VAPB: variants seen among roughly 807,000 people sequenced by gnomAD.
The protein encoded by VAPB is vesicle-associated membrane protein-associated protein B/C.
Under a neutral mutation model 25.6 loss-of-function variants are expected in VAPB, and 7 were observed. That is an observed-to-expected ratio of 0.27 (90% CI 0.16 to 0.51). VAPB has a LOEUF of 0.51. Ranked by LOEUF, VAPB falls within the 20% of genes least tolerant of loss-of-function variation. The pLI is 0.97. For synonymous variants in VAPB, 112 were observed against 109.2 expected (o/e 1.03, Z -0.16); for missense variants, 266 against 301.3 (o/e 0.88, Z 0.87).
intron 1 of VAPB, among the ~76,000 whole-genome samples, chr20:58,412,225 T>G (rs567196304): frequency 6.6e-6 from 1 of 152,292 alleles, no homozygotes; most frequent in East Asian, 1.9e-4. Flanking sequence ...TGTAGGAGTT[T>G]TATAGTTTGG....
chr20:58,408,951 T>C (rs1253056402), intron 1 of VAPB, among the ~76,000 whole-genome samples: 5 of 113,224 alleles, frequency 4.4e-5, no homozygotes, highest in Middle Eastern at 0.011. Flanking sequence ...AAACAAAATA[T>C]GTCCTATGCA....
chr20:58,408,855 C>G (rs73179891), intron 1 of VAPB, among the ~76,000 whole-genome samples: 15,771 of 148,794 alleles, frequency 0.11, 959 homozygotes, highest in Middle Eastern at 0.17. Context: ...TGGCACTGTT[C>G]TAGTTTGGAG....
chr20:58,417,253 AAG>A (rs1311851017), intron 1 of VAPB, among the ~76,000 whole-genome samples: 1 of 152,194 alleles, frequency 6.6e-6, no homozygotes, highest in Admixed American at 6.5e-5. Flanking sequence ...GAAAAAAAGC[AAG>A]TTTCAGGTTA....
chr20:58,410,557 C>T (rs1988352491), intron 1 of VAPB, among the ~76,000 whole-genome samples: 1 of 152,086 alleles, frequency 6.6e-6, no homozygotes, highest in Non-Finnish European at 1.5e-5. Flanking sequence ...GCTGGGATTA[C>T]AGGTGTGTGC....
At chr20:58,391,333 A>G (rs972363749) in intron 1 of VAPB, among the ~76,000 whole-genome samples, 1 of 152,194 alleles carries the variant, frequency 6.6e-6, no homozygotes, top group Non-Finnish European at 1.5e-5. Context: ...CCAGGACAGG[A>G]CAATGATGTA....
chr20:58,441,203 TTTTTTTCTC>T (rs1989153772), intron 5 of VAPB, 120 bp downstream of exon 5: 1 of 1,131,246 alleles, frequency 8.8e-7, no homozygotes. Context: ...TATTTGGCTA[TTTTTTTCTC>T]CCCAGGGAGA....
In VAPB at chr20:58,403,932, C is replaced by T. The variant is rs563353292; in HGVS notation, c.59-14279C>T. ...GAAATCCTAAACTTGTCTTTCACTC[C>T]CCATTTTCCGTAACCTTTCACATCT... On this transcript the variant is annotated intron_variant, in intron 1 of 5. Coordinates refer to ENST00000475243, the MANE Select transcript of VAPB (RefSeq NM_004738.5). 7.2e-5 allele frequency among the ~76,000 whole-genome samples: 11 copies of T among 152,284 alleles called. No individual in the cohort carries two copies. In the East Asian group the frequency reaches 2.1e-3, roughly 29 times the overall value.
intron 1 of VAPB, among the ~76,000 whole-genome samples, chr20:58,394,177 C>G (rs1202741642): frequency 6.6e-6 from 1 of 152,190 alleles, no homozygotes; most frequent in Admixed American, 6.5e-5. Context: ...TAGTTGAGTA[C>G]CACTTTTGGG....
At chr20:58,436,579 AG>A (rs1989051424) in intron 3 of VAPB, among the ~76,000 whole-genome samples, 1 of 151,994 alleles carries the variant, frequency 6.6e-6, no homozygotes, top group African/African-American at 2.4e-5. Context: ...TGCCCACCTC[AG>A]CCTCCCAAAG....
chr20:58,414,724 G>T (rs572465050), intron 1 of VAPB, among the ~76,000 whole-genome samples: 2 of 151,626 alleles, frequency 1.3e-5, no homozygotes, highest in Non-Finnish European at 2.9e-5. Context: ...GGTCGGAGAC[G>T]CTCCTCACCT....
rs770013348 is a variant in VAPB at position 58,389,475 on chromosome 20, C to A, written c.16C>A (p.Gln6Lys). 1 of 1,597,248 alleles carries A rather than the reference C, an allele frequency of 6.3e-7. No individual in the cohort carries two copies. Among genetic ancestry groups the A allele is most frequent in the Non-Finnish European group, 8.5e-7 (1 of 1,172,742 alleles). The part of the protein sequence containing the change: MAKVE[Q>K]VLSLEPQHEL... Reference sequence around the variant, plus strand: ...GCTAAGGAACATGGCGAAGGTGGAGCAGGTCCTGAGCCTCGAGCCGCAGCA... The same window carrying A: ...GCTAAGGAACATGGCGAAGGTGGAGAAGGTCCTGAGCCTCGAGCCGCAGCA... The change falls in exon 1 of 6, where the codon CAG (glutamine) becomes AAG (lysine). Residue 6 changes from glutamine to lysine, a missense_variant. By Grantham distance (53) the Gln-to-Lys change is moderately conservative. Transcript: ENST00000475243.
Position 58,434,764 on chromosome 20 carries a change from T to C in VAPB, c.315+59T>C, listed in dbSNP as rs1166739694. ...ACAATAATTTAAAAAACCAATTAGATATGGAATTGTGGGTGCATGCATTTC... is the reference window on the plus strand; with the variant it reads ...ACAATAATTTAAAAAACCAATTAGACATGGAATTGTGGGTGCATGCATTTC... On this transcript the variant is annotated intron_variant, in intron 3 of 5. Coordinates refer to ENST00000475243, the MANE Select transcript of VAPB (RefSeq NM_004738.5). 3 of 855,454 alleles carry C rather than the reference T, an allele frequency of 3.5e-6. No homozygotes were observed. In the East Asian group the frequency reaches 7.5e-5, roughly 21 times the overall value. The allele number at this position is 855,454 out of a possible 1,614,324, so 53.0% of individuals were successfully genotyped here. A position where few individuals can be genotyped will look rare whatever the true frequency, so the allele number is the denominator to read the frequency against.
At position 58,445,008 on chromosome 20, in the gene VAPB, C is replaced by T. The variant is rs753237125; in HGVS notation, c.*773C>T. ...TGTCACAAGAGTACAGTTAATGCTGCGTGCTGCTGAACTCTGTTGGGTGAA... is the reference window on the plus strand; with the variant it reads ...TGTCACAAGAGTACAGTTAATGCTGTGTGCTGCTGAACTCTGTTGGGTGAA... On this transcript the variant is annotated 3_prime_UTR_variant, in exon 6 of 6. Coordinates refer to ENST00000475243, the MANE Select transcript of VAPB (RefSeq NM_004738.5). 5.3e-5 allele frequency: 24 copies of T among 454,594 alleles called. No individual in the cohort carries two copies. Among genetic ancestry groups the T allele is most frequent in the Admixed American group, 9.4e-5 (4 of 42,556 alleles). 28.2% of individuals were successfully genotyped at this position (454,594 alleles called of 1,614,324 possible). A position where few individuals can be genotyped will look rare whatever the true frequency, so the allele number is the denominator to read the frequency against.
chr20:58,423,414 CAAAAAAAAAAAAAAAAAAAAAAA>C (rs59133081), intron 2 of VAPB, among the ~76,000 whole-genome samples: 1 of 34,758 alleles, frequency 2.9e-5, no homozygotes, highest in Non-Finnish European at 5.0e-5. Context: ...CTCCATCTCA[CAAAAAAAAAAAAAAAAAAAAAAA>C]AAAAAAAAAA....
At chr20:58,410,240 C>T (rs1053663694) in intron 1 of VAPB, among the ~76,000 whole-genome samples, 3 of 151,974 alleles carry the variant, frequency 2.0e-5, no homozygotes, top group South Asian at 2.1e-4. Flanking sequence ...AGCCAGAGTC[C>T]GTAGTCTGCG....
intron 3 of VAPB, among the ~76,000 whole-genome samples, chr20:58,436,874 A>G (rs1989058421): frequency 6.6e-6 from 1 of 152,168 alleles, no homozygotes. Context: ...CATAGCTGAA[A>G]AAAGTAACTT....
At chr20:58,416,904 A>G (rs1988553101) in intron 1 of VAPB, among the ~76,000 whole-genome samples, 1 of 152,216 alleles carries the variant, frequency 6.6e-6, no homozygotes, top group South Asian at 2.1e-4. Context: ...TGCCAGCCAC[A>G]GTGCTGGGGC....
rs546779216 is a variant in VAPB, at chr20:58,439,279, A to G, written c.396+254A>G. ...CCCGATGGCCATTGAGATGTCATAA[A>G]TCCTGAAGAGCTTCTGTGGCCTGGC... On this transcript the variant is annotated intron_variant, in intron 4 of 5. Transcript: ENST00000475243. The G allele has an allele frequency of 1.6e-5, 8 of 492,664 alleles. No individual in the cohort carries two copies. In the South Asian group the frequency reaches 1.8e-4, roughly 11 times the overall value. 30.5% of individuals were successfully genotyped at this position (492,664 alleles called of 1,614,324 possible). A position where few individuals can be genotyped will look rare whatever the true frequency, so the allele number is the denominator to read the frequency against.
At chr20:58,402,239 T>C (rs1011044687) in intron 1 of VAPB, among the ~76,000 whole-genome samples, 3 of 152,206 alleles carry the variant, frequency 2.0e-5, no homozygotes, top group African/African-American at 7.2e-5. Flanking sequence ...CATGCTTGTG[T>C]TTCAGCCTTT....
Sources: gnomAD v4.1 joint callset for allele counts (sites outside exome capture counted in the v4.1 genomes callset) on GRCh38, gnomAD v4.1.1 for gene constraint, MANE v1.5 for transcripts, NCBI Gene and HGNC (gene_info 2026-07-23, HGNC 2026-07-21) for gene names.